The following NSMCE2 variants were observed in gnomAD, a reference collection of about 807,000 sequenced individuals.
NSMCE2 encodes the protein E3 SUMO-protein ligase NSE2.
A neutral mutation model predicts 23.8 loss-of-function variants in NSMCE2; 24 were observed. The observed-to-expected ratio is 1.01, with a 90% CI of 0.73 to 1.42. NSMCE2 has a LOEUF of 1.42. NSMCE2 is among the 40% of genes most tolerant of loss of function. The probability of loss-of-function intolerance (pLI) is 0.00; values close to 1 mark genes in which losing one functional copy is unlikely to be tolerated. For synonymous variants in NSMCE2, 92 were observed against 94.1 expected, an observed-to-expected ratio of 0.98 and a Z score of 0.13; for missense variants, 284 against 296.5, an observed-to-expected ratio of 0.96 and a Z score of 0.31.
At chr8:125,346,219 G>T (rs976672080) in intron 5 of NSMCE2, among the ~76,000 whole-genome samples, 2 of 152,136 alleles carry the variant, frequency 1.3e-5, no homozygotes, top group African/African-American at 2.4e-5. Context: ...AGAATAGACT[G>T]GGGAGACTGA....
At chr8:125,354,834 G>T (rs569374207) in intron 5 of NSMCE2, among the ~76,000 whole-genome samples, 12 of 152,226 alleles carry the variant, frequency 7.9e-5, no homozygotes, top group South Asian at 2.1e-4. Flanking sequence ...CCTCAGTACA[G>T]CTTGAGCATC....
At chr8:125,272,699 G>GATATATATATATATATATAATATAT (rs10635586) in intron 5 of NSMCE2, among the ~76,000 whole-genome samples, 1 of 125,462 alleles carries the variant, frequency 8.0e-6, no homozygotes, top group African/African-American at 3.3e-5. Context: ...AGCTACTTGG[G>GATATATATATATATATATAATATAT]ATATATATAT....
intron 4 of NSMCE2, among the ~76,000 whole-genome samples, chr8:125,170,376 C>CTTTTTTTTTTTTTTT (rs565593006): frequency 1.8e-4 from 7 of 37,864 alleles, no homozygotes; most frequent in Admixed American, 4.4e-4. Flanking sequence ...CTCTTTATTT[C>CTTTTTTTTTTTTTTT]TTTTTTTTTT....
chr8:125,274,802 C>T (rs569544977), intron 5 of NSMCE2, among the ~76,000 whole-genome samples: 6 of 151,766 alleles, frequency 4.0e-5, no homozygotes, highest in Middle Eastern at 3.4e-3. Flanking sequence ...TGGTGGCGCA[C>T]GCCTGTAATC....
rs533348898 is a variant in NSMCE2, at chr8:125,317,863, G to C, written c.419-39356G>C. ...CAAAAATTATCAGACCAGAATGCCA[G>C]TTAAATTTTTAAAAAGTTAAAAAAT... On this transcript the variant is annotated intron_variant, in intron 5 of 7. Transcript: ENST00000287437. Among the ~76,000 whole-genome samples the C allele has an allele frequency of 5.3e-5, 8 of 152,280 alleles. No homozygotes were observed. The South Asian group carries it at 1.4e-3, about 28-fold the overall frequency.
intron 3 of NSMCE2, among the ~76,000 whole-genome samples, chr8:125,143,696 T>C (rs1057002447): frequency 2.4e-4 from 37 of 152,194 alleles, no homozygotes; most frequent in African/African-American, 8.7e-4. Flanking sequence ...GCGATTTTTA[T>C]TTGTTTAGGA....
chr8:125,357,515 C>G (rs933668974), intron 6 of NSMCE2, among the ~76,000 whole-genome samples, 196 bp downstream of exon 6: 1 of 152,200 alleles, frequency 6.6e-6, no homozygotes, highest in South Asian at 2.1e-4. Flanking sequence ...CTGAAGGATC[C>G]GGGACTAAAG....
chr8:125,162,794 C>T lies in NSMCE2; in HGVS notation c.264+11517C>T, dbSNP rs142453564. Among the ~76,000 whole-genome samples the T allele has an allele frequency of 2.2e-4, 33 of 152,164 alleles. No homozygotes were observed. The South Asian group carries it at 2.5e-3, about 11-fold the overall frequency. On this transcript the variant is annotated intron_variant, in intron 4 of 7. Coordinates refer to ENST00000287437, the MANE Select transcript of NSMCE2 (RefSeq NM_173685.4). ...AACCACCTAAACTTGGAATAAATGG[C>T]GATAAACTTTCCTTATATTTATTTT...
chr8:125,338,895 CAAA>C (rs770430557), intron 5 of NSMCE2, among the ~76,000 whole-genome samples: 1 of 152,066 alleles, frequency 6.6e-6, no homozygotes, highest in Non-Finnish European at 1.5e-5. Flanking sequence ...CAGTTTAGGC[CAAA>C]GATTTCTAAA....
intron 5 of NSMCE2, among the ~76,000 whole-genome samples, chr8:125,261,745 T>TAA (rs71295825): frequency 2.5e-3 from 329 of 133,726 alleles, no homozygotes; most frequent in African/African-American, 8.6e-3. Context: ...TGTAAAGAAG[T>TAA]AAAAAAAAAA....
At chr8:125,245,075 A>G (rs1825904600) in intron 5 of NSMCE2, among the ~76,000 whole-genome samples, 1 of 152,202 alleles carries the variant, frequency 6.6e-6, no homozygotes, top group African/African-American at 2.4e-5. Flanking sequence ...TGAGGTCAGG[A>G]GTTCAAGACC....
At chr8:125,311,635 A>G (rs1828975983) in intron 5 of NSMCE2, among the ~76,000 whole-genome samples, 1 of 152,226 alleles carries the variant, frequency 6.6e-6, no homozygotes. Flanking sequence ...TTCCTGATTA[A>G]GGAATTGTCA....
intron 5 of NSMCE2, among the ~76,000 whole-genome samples, chr8:125,227,276 C>T (rs1257574538): frequency 6.6e-6 from 1 of 152,114 alleles, no homozygotes; most frequent in East Asian, 1.9e-4. Flanking sequence ...AGCTCGGTGT[C>T]TCCATCAGTG....
chr8:125,363,986 C>G (rs1036751933), intron 7 of NSMCE2, among the ~76,000 whole-genome samples: 9 of 152,126 alleles, frequency 5.9e-5, no homozygotes, highest in Admixed American at 4.6e-4. Flanking sequence ...CTCTGTTGCC[C>G]AGGCTGGAGT....
At chr8:125,114,669 C>T (rs1818910668) in intron 3 of NSMCE2, among the ~76,000 whole-genome samples, 1 of 152,216 alleles carries the variant, frequency 6.6e-6, no homozygotes, top group South Asian at 2.1e-4. Context: ...AAACAGCCTT[C>T]AGTGAATGGG....
At chr8:125,328,708 C>T (rs1043310811) in intron 5 of NSMCE2, among the ~76,000 whole-genome samples, 5 of 152,206 alleles carry the variant, frequency 3.3e-5, no homozygotes, top group African/African-American at 4.8e-5. Flanking sequence ...TATCTATCAT[C>T]GGTGTTTCAT....
At chr8:125,305,506 C>T (rs529515341) in intron 5 of NSMCE2, among the ~76,000 whole-genome samples, 2 of 152,270 alleles carry the variant, frequency 1.3e-5, no homozygotes, top group South Asian at 2.1e-4. Context: ...GCAGAGATAT[C>T]TTGAAGGCAG....
chr8:125,341,052 C>G (rs573202398), intron 5 of NSMCE2, among the ~76,000 whole-genome samples: 1 of 152,200 alleles, frequency 6.6e-6, no homozygotes, highest in African/African-American at 2.4e-5. Context: ...GAGGCTTTCC[C>G]AATCACTTTA....
intron 5 of NSMCE2, among the ~76,000 whole-genome samples, chr8:125,328,151 CT>C (rs34667555): frequency 0.44 from 61,882 of 141,526 alleles, 14,907 homozygotes; most frequent in East Asian, 0.55. Flanking sequence ...TCTCACTGGC[CT>C]TTTTTTTTTT....
Sources: gnomAD v4.1 joint callset for allele counts (sites outside exome capture counted in the v4.1 genomes callset) on GRCh38, gnomAD v4.1.1 for gene constraint, MANE v1.5 for transcripts, NCBI Gene and HGNC (gene_info 2026-07-23, HGNC 2026-07-21) for gene names.